MTTP: variants seen among roughly 807,000 people sequenced by gnomAD.
MTTP encodes microsomal triglyceride transfer protein.
MTTP carries 49 observed loss-of-function variants against 90.6 expected under a neutral mutation model. The ratio of observed to expected loss-of-function variants is 0.54; its 90% CI spans 0.43 to 0.69. MTTP has a LOEUF of 0.69. MTTP is among the 30% of genes least tolerant of loss of function. The pLI, the probability that MTTP is intolerant of heterozygous loss-of-function variation, is 0.00. For missense variants in MTTP, 945 were observed against 1,067.5 expected, an observed-to-expected ratio of 0.89 and a Z score of 1.60; for synonymous variants, 347 against 384.2, an observed-to-expected ratio of 0.90 and a Z score of 1.13.
At chr4:99,598,160 A>T (rs1725603748) in intron 8 of MTTP, among the ~76,000 whole-genome samples, 1 of 152,240 alleles carries the variant, frequency 6.6e-6, no homozygotes, top group South Asian at 2.1e-4. Context: ...ATTCCAAATG[A>T]CTAATCAAAG....
At chr4:99,566,022 G>T (rs946591108) in intron 1 of MTTP, among the ~76,000 whole-genome samples, 2 of 152,238 alleles carry the variant, frequency 1.3e-5, no homozygotes, top group African/African-American at 4.8e-5. Context: ...GGGCGTGGTG[G>T]CTCACGCCTG....
In MTTP at chr4:99,613,133, AT is replaced by A. The variant is rs755681036; in HGVS notation, c.2212del (p.Ser738LeufsTer10). ...VVKGLILLID[H>X]SQELQLQSGL... ...AAAGGACTTATTCTGCTAATAGATCATTCTCAGGTAATTCATTCAGTCTGTG... is the reference window on the plus strand; with the variant it reads ...AAAGGACTTATTCTGCTAATAGATCATCTCAGGTAATTCATTCAGTCTGTG... On this transcript the variant is annotated frameshift_variant, in exon 15 of 18. Coordinates refer to ENST00000265517, the MANE Select transcript of MTTP (RefSeq NM_001386140.1). LOFTEE classifies it high-confidence loss of function. 5 of 1,612,410 alleles carry A rather than the reference AT, an allele frequency of 3.1e-6. No homozygotes were observed. The highest frequency in any genetic ancestry group is 1.7e-6 in the Non-Finnish European group (2 of 1,178,806).
intron 15 of MTTP, among the ~76,000 whole-genome samples, chr4:99,618,613 A>G (rs1167985149): frequency 6.6e-6 from 1 of 152,192 alleles, no homozygotes; most frequent in African/African-American, 2.4e-5. Flanking sequence ...TATGAAGGGG[A>G]ACTTATAATC....
intron 6 of MTTP, 130 bp from the exon 7 acceptor site, chr4:99,594,601 TCA>T: frequency 1.0e-6 from 1 of 975,180 alleles, no homozygotes. Flanking sequence ...TCTGGAGATA[TCA>T]CAGTTTGAAA....
chr4:99,581,765 C>G, intron 1 of MTTP, 140 bp from the exon 2 acceptor site: 1 of 802,936 alleles, frequency 1.2e-6, no homozygotes, highest in Non-Finnish European at 2.1e-6. Context: ...ATGATTTCAG[C>G]AGATGAAGTA....
At chr4:99,604,399 T>C (rs1725765912) in intron 10 of MTTP, among the ~76,000 whole-genome samples, 1 of 152,146 alleles carries the variant, frequency 6.6e-6, no homozygotes, top group Non-Finnish European at 1.5e-5. Flanking sequence ...CCTCCCGGCA[T>C]CCTAATTCCT....
intron 8 of MTTP, 33 bp from the exon 9 acceptor site, chr4:99,600,532 C>T (rs1560620962): frequency 1.9e-6 from 3 of 1,601,008 alleles, no homozygotes; most frequent in Admixed American, 1.7e-5. Flanking sequence ...TTCCCCTAAA[C>T]ATTGATATCC....
intron 3 of MTTP, chr4:99,583,801 C>A: frequency 3.6e-6 from 2 of 557,214 alleles, no homozygotes; most frequent in Non-Finnish European, 3.2e-6. Context: ...AGGTAAATTT[C>A]TCATCAAATT....
At chr4:99,574,796 A>G (rs979035195), upstream of MTTP, 10 of 1,606,554 alleles carry the variant, frequency 6.2e-6, no homozygotes, top group Non-Finnish European at 7.7e-6. Flanking sequence ...AAAGATAAAC[A>G]TGATTGTTGC....
chr4:99,570,566 C>T (rs1007816102), upstream of MTTP: 10 of 388,648 alleles, frequency 2.6e-5, no homozygotes, highest in African/African-American at 1.7e-4. Context: ...CTGTGATAGG[C>T]AGACAATGGC....
At chr4:99,620,564 C>G (rs995297187) in intron 16 of MTTP, among the ~76,000 whole-genome samples, 1 of 152,174 alleles carries the variant, frequency 6.6e-6, no homozygotes, top group South Asian at 2.1e-4. Context: ...TCTTGGCAAT[C>G]AAGGGCTTAC....
At chr4:99,564,596 A>G (rs1329137068) in intron 1 of MTTP, among the ~76,000 whole-genome samples, 1 of 152,162 alleles carries the variant, frequency 6.6e-6, no homozygotes, top group Non-Finnish European at 1.5e-5. Context: ...ACTTGACCTT[A>G]TATAATCTTT....
intron 3 of MTTP, among the ~76,000 whole-genome samples, chr4:99,586,212 A>G (rs1352282834): frequency 6.6e-6 from 1 of 152,120 alleles, no homozygotes; most frequent in Non-Finnish European, 1.5e-5. Context: ...TCTTTTTTCC[A>G]TGCCCACTCA....
chr4:99,614,839 A>C (rs1258305980), intron 15 of MTTP, among the ~76,000 whole-genome samples: 1 of 152,226 alleles, frequency 6.6e-6, no homozygotes, highest in East Asian at 1.9e-4. Context: ...GAAGCTTTTG[A>C]ACATAGTTTT....
intron 3 of MTTP, 147 bp from the exon 4 acceptor site, chr4:99,589,496 C>A: frequency 1.5e-6 from 1 of 654,322 alleles, no homozygotes. Context: ...CTTCTTTTCA[C>A]AAAAAGGAAA....
At chr4:99,565,987 T>C (rs1033327178) in intron 1 of MTTP, among the ~76,000 whole-genome samples, 1 of 152,118 alleles carries the variant, frequency 6.6e-6, no homozygotes, top group Non-Finnish European at 1.5e-5. Flanking sequence ...TAGGGAATAC[T>C]GGAAGAAAAA....
chr4:99,568,007 T>G (rs1724744397), intron 1 of MTTP, among the ~76,000 whole-genome samples: 1 of 152,076 alleles, frequency 6.6e-6, no homozygotes, highest in South Asian at 2.1e-4. Flanking sequence ...AATGTAATAT[T>G]TCAAAACAGA....
intron 3 of MTTP, among the ~76,000 whole-genome samples, chr4:99,586,993 G>C (rs1725273371): frequency 1.3e-5 from 2 of 151,776 alleles, no homozygotes; most frequent in African/African-American, 4.8e-5. Context: ...ATAAGAACCT[G>C]TGCTCTTGGA....
chr4:99,589,669 T>A lies in MTTP; in HGVS notation c.420T>A (p.Asn140Lys). The A allele has an allele frequency of 2.5e-6, 4 of 1,608,242 alleles. No individual in the cohort carries two copies. Among genetic ancestry groups the A allele is most frequent in the Non-Finnish European group, 3.4e-6 (4 of 1,175,020 alleles). ...TCAAAGAGTTCTACTCATATCAAAA[T>A]GAGGCAGTGGCCATAGAAAATATCA... ...GKVKEFYSYQNEAVAIENIKR... is the reference protein window; with the variant it reads ...GKVKEFYSYQKEAVAIENIKR... Residue 140 changes from asparagine (N) to lysine (K), a missense_variant, in exon 4 of 18, where the codon AAT becomes AAA. Asn to Lys is a moderately conservative substitution (Grantham distance 94). Transcript: ENST00000265517.
Sources: allele counts gnomAD v4.1 joint callset (sites outside exome capture counted in the v4.1 genomes callset), GRCh38; gene constraint gnomAD v4.1.1; transcripts MANE v1.5; gene names NCBI Gene and HGNC (gene_info 2026-07-23, HGNC 2026-07-21).